Variants in TCF4 observed in about 807,000 individuals in gnomAD.
The protein encoded by TCF4 is SL3-3 enhancer factor 2.
Under a neutral mutation model 82.1 loss-of-function variants are expected in TCF4, and 3 were observed. The observed-to-expected ratio is 0.04, with a 90% CI of 0.02 to 0.09. TCF4 has a LOEUF of 0.09. Among genes scored for constraint, TCF4 ranks in the 10% least tolerant of loss-of-function variants. The probability of loss-of-function intolerance (pLI) is 1.00; values close to 1 mark genes in which losing one functional copy is unlikely to be tolerated. For missense variants in TCF4, 518 were observed against 852.7 expected (o/e 0.61, Z 4.89); for synonymous variants, 276 against 309.6 (o/e 0.89, Z 1.14).
intron 8 of TCF4, among the ~76,000 whole-genome samples, chr18:55,315,561 C>G (rs751313894): frequency 1.3e-5 from 2 of 152,078 alleles, no homozygotes; most frequent in Non-Finnish European, 2.9e-5. Context: ...AAGTGGAGTT[C>G]ATGTATAATT....
At position 55,234,994 on chromosome 18, in the gene TCF4, G is replaced by A. The variant is rs892136999; in HGVS notation, c.1351-311C>T. Among the ~76,000 whole-genome samples, 13 of 152,144 alleles carry A rather than the reference G, an allele frequency of 8.5e-5. 1 individual carries two copies. Among genetic ancestry groups the A allele is most frequent in the Admixed American group, 8.5e-4 (13 of 15,278 alleles). ...TTCGTACCCATCTGTCTTCTATCAT[G>A]TCCGCCAACAGATCTGACAATTATC... On this transcript the variant is annotated intron_variant, in intron 15 of 19. Transcript: ENST00000354452.
intron 14 of TCF4, among the ~76,000 whole-genome samples, chr18:55,255,802 T>G (rs138171889): frequency 6.6e-6 from 1 of 152,282 alleles, no homozygotes; most frequent in Non-Finnish European, 1.5e-5. Context: ...GTCTTTTTAT[T>G]TTAAATCTAG....
At chr18:55,319,650 C>T (rs1213042605) in intron 8 of TCF4, among the ~76,000 whole-genome samples, 2 of 150,774 alleles carry the variant, frequency 1.3e-5, no homozygotes, top group South Asian at 2.1e-4. Context: ...TGTGACAGAG[C>T]GATCTTGATT....
Position 55,279,536 on chromosome 18 carries a change from G to A in TCF4, c.655+15C>T. 1.2e-6 allele frequency: 2 copies of A among 1,613,758 alleles called. No homozygotes were observed. The highest frequency in any genetic ancestry group is 1.7e-6 in the Non-Finnish European group (2 of 1,179,800). On this transcript the variant is annotated intron_variant, in intron 9 of 19. Coordinates refer to ENST00000354452, the MANE Select transcript of TCF4 (RefSeq NM_001083962.2). The stretch of plus-strand genomic sequence containing the variant: ...CTATCCAGTGGCCTTTCCCTCAGAA[G>A]CAGCAGCATCTTACCTTGCATGAAG...
chr18:55,575,919 A>G (rs924314394), intron 3 of TCF4, among the ~76,000 whole-genome samples: 8 of 152,224 alleles, frequency 5.3e-5, no homozygotes, highest in Non-Finnish European at 1.2e-4. Flanking sequence ...CGCATTTCTC[A>G]ATATATAATA....
At position 55,511,331 on chromosome 18, in the gene TCF4, T is replaced by TAAAAAA. The variant is rs59685050; in HGVS notation, c.146-47200_146-47195dup. Among the ~76,000 whole-genome samples the TAAAAAA allele has an allele frequency of 1.9e-3, 247 of 131,346 alleles. 5 individuals are homozygous for TAAAAAA. Among genetic ancestry groups the TAAAAAA allele is most frequent in the East Asian group, 9.5e-3 (40 of 4,216 alleles). The allele number at this position is 131,346 out of a possible 152,430, so 86.2% of individuals were successfully genotyped here. On this transcript the variant is annotated intron_variant, in intron 3 of 19. Transcript: ENST00000354452. Reference sequence around the variant, plus strand: ...AGGTAATAGAGTAATTCCAAAAGTTTAAAAAAAAAAAAAAAAAAAGCATTC... The same window carrying TAAAAAA: ...AGGTAATAGAGTAATTCCAAAAGTTTAAAAAAAAAAAAAAAAAAAAAAAAAGCATTC...
At chr18:55,267,286 C>T (rs1028748387) in intron 11 of TCF4, 2 of 152,098 alleles carry the variant, frequency 1.3e-5, no homozygotes, top group African/African-American at 2.4e-5. Flanking sequence ...TTACTTCCTG[C>T]GTTTCAGAAT....
chr18:55,445,371 G>A (rs1306643851), intron 5 of TCF4, among the ~76,000 whole-genome samples: 1 of 152,010 alleles, frequency 6.6e-6, no homozygotes, highest in Non-Finnish European at 1.5e-5. Flanking sequence ...TAAAGAAAAG[G>A]GGGTTTAATG....
chr18:55,490,193 A>G (rs2096561360), intron 3 of TCF4, among the ~76,000 whole-genome samples: 1 of 152,158 alleles, frequency 6.6e-6, no homozygotes, highest in Non-Finnish European at 1.5e-5. Flanking sequence ...CTTCATATCA[A>G]AGCCAGTCAA....
intron 3 of TCF4, among the ~76,000 whole-genome samples, chr18:55,467,298 G>A (rs1478901131): frequency 6.6e-6 from 1 of 152,006 alleles, no homozygotes; most frequent in Non-Finnish European, 1.5e-5. Context: ...TGTCAGGCCT[G>A]CCCCTTAGTT....
At chr18:55,352,296 C>G (rs2082472540) in intron 6 of TCF4, among the ~76,000 whole-genome samples, 1 of 152,094 alleles carries the variant, frequency 6.6e-6, no homozygotes, top group South Asian at 2.1e-4. Flanking sequence ...AAATATGACC[C>G]ATAAGCTGGA....
At chr18:55,401,480 A>G (rs1415773593) in intron 6 of TCF4, 2 of 992,940 alleles carry the variant, frequency 2.0e-6, no homozygotes, top group East Asian at 2.2e-4. Flanking sequence ...TTTCCTGGAC[A>G]TTAATGCCTC....
At chr18:55,437,577 G>T (rs921386830) in intron 5 of TCF4, among the ~76,000 whole-genome samples, 1 of 152,158 alleles carries the variant, frequency 6.6e-6, no homozygotes, top group Non-Finnish European at 1.5e-5. Context: ...TAAGTATTGA[G>T]TTCAAGAAAA....
chr18:55,381,930 A>T (rs902230619), intron 6 of TCF4, among the ~76,000 whole-genome samples: 1 of 151,990 alleles, frequency 6.6e-6, no homozygotes, highest in Admixed American at 6.5e-5. Context: ...TTTTTTAAAA[A>T]AGGAAATTCT....
intron 3 of TCF4, among the ~76,000 whole-genome samples, chr18:55,547,883 T>C (rs2147081968): frequency 6.6e-6 from 1 of 152,024 alleles, no homozygotes; most frequent in African/African-American, 2.4e-5. Flanking sequence ...CTCTATTTTA[T>C]CAATTTAGAC....
At position 55,513,020 on chromosome 18, in the gene TCF4, T is replaced by C. The variant is rs952633643; in HGVS notation, c.146-48883A>G. On this transcript the variant is annotated intron_variant, in intron 3 of 19. Transcript: ENST00000354452. Reference sequence around the variant, plus strand: ...TAACAAACTCATGGTATCTTACTGCTCCTTCTAGTATTAGATGAAATCCCC... The same window carrying C: ...TAACAAACTCATGGTATCTTACTGCCCCTTCTAGTATTAGATGAAATCCCC... Among the ~76,000 whole-genome samples the C allele has an allele frequency of 5.9e-5, 9 of 152,272 alleles. No homozygotes were observed. The South Asian group carries it at 1.9e-3, about 32-fold the overall frequency.
rs758454697 is a variant in TCF4, at chr18:55,381,191, TTAA to T, written c.369+22260_369+22262del. On this transcript the variant is annotated intron_variant, in intron 6 of 19. Transcript: ENST00000354452. ...CTAAAAATGTTATTTACAACAGCAT[TTAA>T]TAATAAGTGAATATGTATTAAATTT... is the stretch of plus-strand genomic sequence containing the variant. Among the ~76,000 whole-genome samples, 25 of 152,358 alleles carry T rather than the reference TTAA, an allele frequency of 1.6e-4. No individual in the cohort carries two copies. In the East Asian group the frequency reaches 1.9e-3, roughly 12 times the overall value.
chr18:55,399,880 TCACACA>T lies in TCF4; in HGVS notation c.369+3568_369+3573del, dbSNP rs398041380. 2.9e-3 allele frequency among the ~76,000 whole-genome samples: 185 copies of T among 63,424 alleles called. 1 individual carries two copies. The highest frequency in any genetic ancestry group is 6.5e-3 in the South Asian group (10 of 1,540). 41.6% of individuals were successfully genotyped at this position (63,424 alleles called of 152,430 possible). On this transcript the variant is annotated intron_variant, in intron 6 of 19. Transcript: ENST00000354452. ...CTCTCTCTCTCTCTCTCTCTCTCTC[TCACACA>T]CACACACACACACACACACACACAC...
chr18:55,351,108 A>G lies in TCF4; in HGVS notation c.370-105T>C, dbSNP rs1305990798. 5.7e-6 allele frequency: 8 copies of G among 1,410,820 alleles called. No individual in the cohort carries two copies. The Admixed American group carries it at 7.0e-5, about 12-fold the overall frequency. 87.4% of individuals were successfully genotyped at this position (1,410,820 alleles called of 1,614,324 possible). A position where few individuals can be genotyped will look rare whatever the true frequency, so the allele number is the denominator to read the frequency against. Reference sequence around the variant, plus strand: ...AAACCAATGCAATAAAGCAAACAGCATCTGCTAAGCTGAGACAATTAAAAC... The same window carrying G: ...AAACCAATGCAATAAAGCAAACAGCGTCTGCTAAGCTGAGACAATTAAAAC... On this transcript the variant is annotated intron_variant, in intron 6 of 19. Coordinates refer to ENST00000354452, the MANE Select transcript of TCF4 (RefSeq NM_001083962.2).
Sources: allele counts gnomAD v4.1 joint callset (sites outside exome capture counted in the v4.1 genomes callset), GRCh38; gene constraint gnomAD v4.1.1; transcripts MANE v1.5; gene names NCBI Gene and HGNC (gene_info 2026-07-23, HGNC 2026-07-21).